PKD2: variants seen among roughly 807,000 people sequenced by gnomAD.
PKD2 encodes the protein polycystin 2, transient receptor potential cation channel.
Under a neutral mutation model 105.9 loss-of-function variants are expected in PKD2, and 48 were observed. The ratio of observed to expected loss-of-function variants is 0.45; its 90% CI spans 0.36 to 0.58. PKD2 has a LOEUF of 0.58. Among genes scored for constraint, PKD2 ranks in the 20% least tolerant of loss-of-function variants. The probability of loss-of-function intolerance (pLI) is 0.00; values close to 1 mark genes in which losing one functional copy is unlikely to be tolerated. For synonymous variants in PKD2, 464 were observed against 481.1 expected, an observed-to-expected ratio of 0.96 and a Z score of 0.46; for missense variants, 1,078 against 1,255.3, an observed-to-expected ratio of 0.86 and a Z score of 2.13.
chr4:88,052,524 C>T (rs1373709613), intron 7 of PKD2, among the ~76,000 whole-genome samples: 1 of 152,206 alleles, frequency 6.6e-6, no homozygotes, highest in Non-Finnish European at 1.5e-5. Flanking sequence ...CCCACCTCAG[C>T]CTCCCAAAGT....
intron 3 of PKD2, among the ~76,000 whole-genome samples, chr4:88,037,765 G>A (rs778685889): frequency 6.6e-6 from 1 of 152,212 alleles, no homozygotes; most frequent in Non-Finnish European, 1.5e-5. Flanking sequence ...AATCACTAAA[G>A]GGACGAGGAG....
chr4:88,042,192 G>A (rs914286222), intron 4 of PKD2, among the ~76,000 whole-genome samples: 3 of 152,216 alleles, frequency 2.0e-5, no homozygotes, highest in African/African-American at 7.2e-5. Flanking sequence ...CAAAGAAAGA[G>A]GTTTAATGGA....
intron 6 of PKD2, among the ~76,000 whole-genome samples, chr4:88,048,386 ATAT>A (rs1727852958): frequency 6.6e-6 from 1 of 152,212 alleles, no homozygotes; most frequent in African/African-American, 2.4e-5. Context: ...TATGGAAAAT[ATAT>A]TATTCATATG....
chr4:88,061,814 G>T, intron 9 of PKD2, 92 bp from the exon 10 acceptor site: 1 of 721,174 alleles, frequency 1.4e-6, no homozygotes, highest in Non-Finnish European at 2.6e-6. Context: ...GGAAAAAAAG[G>T]ATAAACAAAA....
chr4:88,052,436 T>C (rs1304489030), intron 7 of PKD2, among the ~76,000 whole-genome samples: 1 of 152,066 alleles, frequency 6.6e-6, no homozygotes, highest in African/African-American at 2.4e-5. Flanking sequence ...ACCCGGCTAA[T>C]TTTTAAATTT....
chr4:88,012,152 G>T (rs1346053715), intron 1 of PKD2, among the ~76,000 whole-genome samples: 1 of 152,174 alleles, frequency 6.6e-6, no homozygotes, highest in Non-Finnish European at 1.5e-5. Flanking sequence ...ATGGTTTATT[G>T]CTCACAGTGT....
At position 88,007,966 on chromosome 4, in the gene PKD2, C is replaced by T; in HGVS notation, c.233C>T (p.Pro78Leu). ...GGAGCCGCGGCCTCCCCTTCTCCTC[C>T]GCTCTCGTCGTGCTCCCGGCAGGCG... is the stretch of plus-strand genomic sequence containing the variant. ...PAGAAASPSP[P>L]LSSCSRQAWS... Residue 78 changes from proline to leucine, a missense_variant, in exon 1 of 15, where the codon CCG (proline) becomes CTG (leucine). Around this residue, in one of 2 missense-constraint regions of PKD2, gnomAD observed 210 missense variants for 187.9 expected, o/e 1.12. Coordinates refer to ENST00000237596, the MANE Select transcript of PKD2 (RefSeq NM_000297.4). 6.7e-7 allele frequency: 1 copy of T among 1,498,102 alleles called. No individual in the cohort carries two copies. The allele number at this position is 1,498,102 out of a possible 1,614,324, so 92.8% of individuals were successfully genotyped here.
Position 88,046,696 on chromosome 4 carries a change from G to A in PKD2, c.1374G>A (p.Gln458=), listed in dbSNP as rs768345552. 1 of 1,613,912 alleles carries A rather than the reference G, an allele frequency of 6.2e-7. No homozygotes were observed. Among genetic ancestry groups the A allele is most frequent in the South Asian group, 1.1e-5 (1 of 91,080 alleles). ...TGGVIPSWQF[Q]PLKLIRYVTT... ...GTGTGATTCCATCTTGGCAATTTCA[G>A]CCTTTAAAGCTGATCCGATATGTCA... The change falls in exon 6 of 15, where the codon CAG becomes CAA. Residue 458 remains glutamine (Q), a synonymous_variant. Transcript: ENST00000237596.
intron 2 of PKD2, among the ~76,000 whole-genome samples, chr4:88,021,674 T>A (rs575641059): frequency 2.2e-4 from 33 of 152,328 alleles, no homozygotes; most frequent in African/African-American, 6.7e-4. Context: ...AATCGTTCAT[T>A]TCATTTTTCT....
chr4:88,053,687 C>G (rs1342552700), intron 7 of PKD2, among the ~76,000 whole-genome samples: 1 of 151,680 alleles, frequency 6.6e-6, no homozygotes, highest in Admixed American at 6.6e-5. Flanking sequence ...TAGACTTTAT[C>G]CTGTATTTCT....
Position 88,019,439 on chromosome 4 carries a change from C to T in PKD2, c.596-19C>T. 8.4e-7 allele frequency: 1 copy of T among 1,193,970 alleles called. No individual in the cohort carries two copies. Among genetic ancestry groups the T allele is most frequent in the Non-Finnish European group, 1.2e-6 (1 of 800,656 alleles). 74.0% of individuals were successfully genotyped at this position (1,193,970 alleles called of 1,614,324 possible). A position where few individuals can be genotyped will look rare whatever the true frequency, so the allele number is the denominator to read the frequency against. ...TAAATAAAATGATATCTTTTCTTTTCTTCATTATTATTTTAAAGGTCTCTG... is the reference window on the plus strand; with the variant it reads ...TAAATAAAATGATATCTTTTCTTTTTTTCATTATTATTTTAAAGGTCTCTG... On this transcript the variant is annotated intron_variant, in intron 1 of 14. Coordinates refer to ENST00000237596, the MANE Select transcript of PKD2 (RefSeq NM_000297.4).
intron 2 of PKD2, among the ~76,000 whole-genome samples, chr4:88,026,476 CAA>C (rs1365930295): frequency 6.6e-6 from 1 of 152,156 alleles, no homozygotes; most frequent in East Asian, 1.9e-4. Context: ...TATGTGCTCA[CAA>C]AGAGATGGTT....
At chr4:88,052,274 C>T (rs1171018726) in intron 7 of PKD2, 116 bp downstream of exon 7, 3 of 718,232 alleles carry the variant, frequency 4.2e-6, no homozygotes, top group East Asian at 5.4e-5. Flanking sequence ...CAAAGCTGCT[C>T]AATATTTACT....
At chr4:88,043,547 G>T in intron 5 of PKD2, 90 bp downstream of exon 5, 1 of 906,764 alleles carries the variant, frequency 1.1e-6, no homozygotes, top group Non-Finnish European at 1.8e-6. Flanking sequence ...TTTGCCTGCA[G>T]TTAGCTACAT....
At chr4:88,008,493 C>T (rs1165044363) in intron 1 of PKD2, among the ~76,000 whole-genome samples, 165 bp downstream of exon 1, 1 of 152,204 alleles carries the variant, frequency 6.6e-6, no homozygotes. Flanking sequence ...TGCCCTATTT[C>T]CGGTACCCAG....
At chr4:88,066,616 G>A (rs1406045774) in intron 12 of PKD2, among the ~76,000 whole-genome samples, 1 of 152,094 alleles carries the variant, frequency 6.6e-6, no homozygotes, top group Non-Finnish European at 1.5e-5. Context: ...GCCTCCCAAA[G>A]TGGTGGGATT....
intron 2 of PKD2, among the ~76,000 whole-genome samples, chr4:88,032,231 A>T (rs1727185346): frequency 6.6e-6 from 1 of 152,084 alleles, no homozygotes; most frequent in Non-Finnish European, 1.5e-5. Context: ...AATTTATGTA[A>T]TATATACTAT....
At position 88,058,069 on chromosome 4, in the gene PKD2, C is replaced by T. The variant is rs142983796; in HGVS notation, c.1985C>T (p.Thr662Ile). 1.9e-6 allele frequency: 3 copies of T among 1,548,676 alleles called. No individual in the cohort carries two copies. Among genetic ancestry groups the T allele is most frequent in the African/African-American group, 2.7e-5 (2 of 73,586 alleles). The stretch of plus-strand genomic sequence containing the variant: ...CGAGTTTTGGGACCAATTTATTTCA[C>T]TACATTTGTGTTCTTTATGTTCTTC... ...ANRVLGPIYFTTFVFFMFFIL... is the reference protein window; with the variant it reads ...ANRVLGPIYFITFVFFMFFIL... Residue 662 changes from threonine to isoleucine, a missense_variant, in exon 9 of 15, where the codon ACT becomes ATT. This residue lies in a region of PKD2 where 868 missense variants were observed against 1,067.3 expected (regional missense o/e 0.81). Transcript: ENST00000237596.
intron 7 of PKD2, among the ~76,000 whole-genome samples, chr4:88,053,031 G>A (rs1046792827): frequency 6.6e-6 from 1 of 152,182 alleles, no homozygotes; most frequent in African/African-American, 2.4e-5. Context: ...CAATTCTGGA[G>A]ATGCAGGAAA....
Sources: gnomAD v4.1 joint callset for allele counts (sites outside exome capture counted in the v4.1 genomes callset) on GRCh38, gnomAD v4.1.1 for gene constraint, gnomAD v4.1.1 regional missense constraint, MANE v1.5 for transcripts, NCBI Gene and HGNC (gene_info 2026-07-23, HGNC 2026-07-21) for gene names.